The following SKIL variants were observed in gnomAD, a reference collection of about 807,000 sequenced individuals.
SKIL encodes SKI like proto-oncogene, also known as ski-like protein.
In SKIL, 20 loss-of-function variants were observed where a neutral mutation model predicts 69.6. The observed-to-expected ratio is 0.29, with a 90% CI of 0.20 to 0.42. SKIL has a LOEUF of 0.42. Among genes scored for constraint, SKIL ranks in the 10% least tolerant of loss-of-function variants. SKIL has a pLI of 1.00. For synonymous variants in SKIL, 310 were observed against 279.9 expected (o/e 1.11, Z -1.08); for missense variants, 745 against 783.1 (o/e 0.95, Z 0.58).
In SKIL at chr3:170,392,577, T is replaced by G; in HGVS notation, c.*160T>G. 5 of 421,784 alleles carry G rather than the reference T, an allele frequency of 1.2e-5. No homozygotes were observed. Among genetic ancestry groups the G allele is most frequent in the Non-Finnish European group, 2.1e-5 (5 of 234,512 alleles). 26.1% of individuals were successfully genotyped at this position (421,784 alleles called of 1,614,324 possible). On this transcript the variant is annotated 3_prime_UTR_variant, in exon 7 of 7. Coordinates refer to ENST00000259119, the MANE Select transcript of SKIL (RefSeq NM_005414.5). ...AGTGAAGAGATTATATATTAGTACT[T>G]AAATTTTTACATTTTCCAAATGAAT...
At chr3:170,367,464 T>C (rs1431485059) in intron 2 of SKIL, among the ~76,000 whole-genome samples, 7 of 42,134 alleles carry the variant, frequency 1.7e-4, no homozygotes, top group African/African-American at 3.5e-4. Flanking sequence ...ATATATACCC[T>C]TTTTTTTTTT....
intron 2 of SKIL, among the ~76,000 whole-genome samples, chr3:170,379,562 AGT>A (rs1737219828): frequency 6.6e-6 from 1 of 152,180 alleles, no homozygotes; most frequent in Admixed American, 6.5e-5. Context: ...GGGAGGACAA[AGT>A]GTAAATAAAG....
chr3:170,374,847 T>G (rs1464859648), intron 2 of SKIL, among the ~76,000 whole-genome samples: 3 of 152,228 alleles, frequency 2.0e-5, no homozygotes, highest in Admixed American at 1.3e-4. Context: ...AATTTATATC[T>G]CTGAAAAATG....
intron 3 of SKIL, among the ~76,000 whole-genome samples, chr3:170,382,893 A>G (rs1289844911): frequency 2.0e-5 from 3 of 150,896 alleles, no homozygotes; most frequent in Non-Finnish European, 2.9e-5. Context: ...TAATTTTTGT[A>G]TTTTTAGAAG....
intron 3 of SKIL, among the ~76,000 whole-genome samples, chr3:170,382,577 A>AT (rs1457052907): frequency 6.6e-6 from 1 of 151,108 alleles, no homozygotes; most frequent in African/African-American, 2.4e-5. Context: ...CTCCTGGCTA[A>AT]TTTTTTTGTA....
At chr3:170,373,388 G>A (rs1360007293) in intron 2 of SKIL, among the ~76,000 whole-genome samples, 2 of 143,010 alleles carry the variant, frequency 1.4e-5, no homozygotes, top group Non-Finnish European at 1.5e-5. Context: ...CATGTTGGCC[G>A]GGCTGGTCTT....
chr3:170,390,511 G>A (rs1737860742), intron 5 of SKIL, 47 bp downstream of exon 5: 1 of 1,508,354 alleles, frequency 6.6e-7, no homozygotes. Flanking sequence ...AGATACTTTT[G>A]TATATTGCTC....
intron 2 of SKIL, among the ~76,000 whole-genome samples, chr3:170,379,181 T>C (rs944493915): frequency 1.3e-5 from 2 of 152,142 alleles, no homozygotes; most frequent in African/African-American, 4.8e-5. Flanking sequence ...GGTTTCGCTA[T>C]GTTGGCCAGG....
rs150064909 is a variant in SKIL, at chr3:170,366,700, C to CACAGACACACAG, written c.1098+5274_1098+5275insGACACACAGACA. 2.7e-5 allele frequency among the ~76,000 whole-genome samples: 4 copies of CACAGACACACAG among 149,824 alleles called. No individual in the cohort carries two copies. The East Asian group carries it at 7.8e-4, about 29-fold the overall frequency. On this transcript the variant is annotated intron_variant, in intron 2 of 6. Transcript: ENST00000259119. ...ACACACACACACACACACACAGACA[C>CACAGACACACAG]ACACACACACACACATACTTGATTT... is the stretch of plus-strand genomic sequence containing the variant.
chr3:170,365,318 T>G (rs914655037), intron 2 of SKIL, among the ~76,000 whole-genome samples: 1 of 152,218 alleles, frequency 6.6e-6, no homozygotes, highest in East Asian at 1.9e-4. Flanking sequence ...TGAGAAACAT[T>G]AACTTTTCTT....
Position 170,361,059 on chromosome 3 carries a change from G to A in SKIL, c.728G>A (p.Gly243Asp). 6.2e-7 allele frequency: 1 copy of A among 1,614,252 alleles called. No homozygotes were observed. The highest frequency in any genetic ancestry group is 8.5e-7 in the Non-Finnish European group (1 of 1,180,050). ...CGGCCACGAACTTTTCCTCAAAATG[G>A]TAGCGTACTTCCTGCTAAAAGCTCA... is the stretch of plus-strand genomic sequence containing the variant. ...LLRPRTFPQN[G>D]SVLPAKSSLA... Residue 243 changes from glycine (G) to aspartate (D), a missense_variant, in exon 2 of 7, where the codon GGT becomes GAT. Gly to Asp is a moderately conservative substitution (Grantham distance 94). Coordinates refer to ENST00000259119, the MANE Select transcript of SKIL (RefSeq NM_005414.5).
chr3:170,376,580 T>A (rs1019619750), intron 2 of SKIL, among the ~76,000 whole-genome samples: 1 of 152,076 alleles, frequency 6.6e-6, no homozygotes, highest in South Asian at 2.1e-4. Context: ...CTCAAGAGTT[T>A]TTATTTTTTT....
Position 170,360,365 on chromosome 3 carries a change from C to G in SKIL, c.34C>G (p.Gln12Glu), listed in dbSNP as rs1341251721. The change falls in exon 2 of 7, where the codon CAG (glutamine) becomes GAG (glutamate). Residue 12 changes from glutamine to glutamate, a missense_variant. Gln to Glu is a conservative substitution (Grantham distance 29). Coordinates refer to ENST00000259119, the MANE Select transcript of SKIL (RefSeq NM_005414.5). ...ENLQTNFSLV[Q>E]GSTKKLNGMG... ...CCTCCAGACAAATTTCTCCTTGGTT[C>G]AGGGCTCAACTAAAAAACTGAATGG... 1.3e-6 allele frequency: 2 copies of G among 1,588,628 alleles called. No individual in the cohort carries two copies. The highest frequency in any genetic ancestry group is 1.2e-5 in the South Asian group (1 of 86,332).
intron 2 of SKIL, among the ~76,000 whole-genome samples, chr3:170,372,097 G>A (rs1005557548): frequency 2.0e-5 from 3 of 152,158 alleles, no homozygotes; most frequent in Non-Finnish European, 4.4e-5. Context: ...TTTCCATGTA[G>A]TTGCAGTATT....
chr3:170,377,413 T>TA (rs1683793321), intron 2 of SKIL, among the ~76,000 whole-genome samples: 1 of 149,804 alleles, frequency 6.7e-6, no homozygotes, highest in Admixed American at 6.6e-5. Flanking sequence ...TTTTTTTTTT[T>TA]AATTCCACAT....
At chr3:170,379,692 G>A (rs1183905676) in intron 2 of SKIL, among the ~76,000 whole-genome samples, 1 of 152,114 alleles carries the variant, frequency 6.6e-6, no homozygotes, top group Non-Finnish European at 1.5e-5. Context: ...TGCCCAGGCT[G>A]GAGTGCAGTG....
At position 170,384,987 on chromosome 3, in the gene SKIL, C is replaced by G. The variant is rs190717145; in HGVS notation, c.1429+222C>G. ...GGAGACTGAGATAGATACAGGCTAC[C>G]TGGCCTCAGACTGCAAGTTATTTTT... On this transcript the variant is annotated intron_variant, in intron 4 of 6. Coordinates refer to ENST00000259119, the MANE Select transcript of SKIL (RefSeq NM_005414.5). 392 of 329,488 alleles carry G rather than the reference C, an allele frequency of 1.2e-3. 2 individuals carry two copies. The highest frequency in any genetic ancestry group is 1.8e-3 in the Non-Finnish European group (326 of 181,626). 20.4% of individuals were successfully genotyped at this position (329,488 alleles called of 1,614,324 possible). A position where few individuals can be genotyped will look rare whatever the true frequency, so the allele number is the denominator to read the frequency against.
chr3:170,367,852 A>G (rs183320702), intron 2 of SKIL, among the ~76,000 whole-genome samples: 123 of 152,264 alleles, frequency 8.1e-4, no homozygotes, highest in Admixed American at 3.2e-3. Flanking sequence ...GGGGGGAAAA[A>G]TCTCTATAGA....
chr3:170,358,498 C>T (rs1736054177), intron 1 of SKIL: 1 of 152,876 alleles, frequency 6.5e-6, no homozygotes, highest in South Asian at 2.1e-4. Flanking sequence ...GGGCGGAGGA[C>T]TTCAGGGTTT....
Sources: gnomAD v4.1 joint callset for allele counts (sites outside exome capture counted in the v4.1 genomes callset) on GRCh38, gnomAD v4.1.1 for gene constraint, MANE v1.5 for transcripts, NCBI Gene and HGNC (gene_info 2026-07-23, HGNC 2026-07-21) for gene names.